The following ADIPOR2 variants were observed in gnomAD, a reference collection of about 807,000 sequenced individuals.
ADIPOR2 encodes the protein adiponectin receptor protein 2.
Under a neutral mutation model 40.9 loss-of-function variants are expected in ADIPOR2, and 18 were observed. The ratio of observed to expected loss-of-function variants is 0.44; its 90% CI spans 0.30 to 0.65. The LOEUF is 0.65. Ranked by LOEUF, ADIPOR2 falls within the 30% of genes least tolerant of loss-of-function variation. ADIPOR2 has a pLI of 0.09. For synonymous variants in ADIPOR2, 165 were observed against 166.4 expected (o/e 0.99, Z 0.06); for missense variants, 283 against 479.2 (o/e 0.59, Z 3.82).
At chr12:1,692,901 TC>T (rs1257304084) in intron 1 of ADIPOR2, among the ~76,000 whole-genome samples, 1 of 152,158 alleles carries the variant, frequency 6.6e-6, no homozygotes, top group Non-Finnish European at 1.5e-5. Context: ...ACGCTGGTAA[TC>T]CCAGCACTTT....
chr12:1,761,385 G>T (rs1862267077), intron 2 of ADIPOR2, among the ~76,000 whole-genome samples: 1 of 152,134 alleles, frequency 6.6e-6, no homozygotes, highest in Non-Finnish European at 1.5e-5. Flanking sequence ...ACTCAGGAGG[G>T]ATTTTTCTGG....
intron 2 of ADIPOR2, among the ~76,000 whole-genome samples, chr12:1,756,246 G>GT (rs1166293397): frequency 5.3e-5 from 8 of 152,042 alleles, no homozygotes; most frequent in African/African-American, 1.9e-4. Context: ...CGCCTCCCAG[G>GT]TTCAAGTGAT....
intron 1 of ADIPOR2, among the ~76,000 whole-genome samples, chr12:1,717,119 T>C (rs2094689099): frequency 6.6e-6 from 1 of 152,220 alleles, no homozygotes; most frequent in Non-Finnish European, 1.5e-5. Flanking sequence ...TTGTTGATCA[T>C]CTGCCTAGCC....
chr12:1,780,633 T>C lies in ADIPOR2; in HGVS notation c.646T>C (p.Ser216Pro). The change falls in exon 5 of 8, where the codon TCT becomes CCT. Residue 216 changes from serine to proline, a missense_variant. Physicochemically the swap from Ser to Pro is moderately conservative, Grantham distance 74. Coordinates refer to ENST00000357103, the MANE Select transcript of ADIPOR2 (RefSeq NM_024551.3). ...CTCAGAGGGGGTCTCTCGGCTCTTC[T>C]CTAAGTAAGTATCTGTAAAGTCCGT... ...CHSEGVSRLF[S>P]KLDYSGIALL... 6.3e-7 allele frequency: 1 copy of C among 1,587,404 alleles called. No homozygotes were observed. Among genetic ancestry groups the C allele is most frequent in the Non-Finnish European group, 8.5e-7 (1 of 1,171,152 alleles).
chr12:1,716,291 A>G (rs1348247986), intron 1 of ADIPOR2, among the ~76,000 whole-genome samples: 2 of 152,212 alleles, frequency 1.3e-5, no homozygotes, highest in African/African-American at 4.8e-5. Flanking sequence ...GATGAAATTG[A>G]AGATGGTTTA....
chr12:1,758,914 C>T (rs151053224), intron 2 of ADIPOR2, among the ~76,000 whole-genome samples: 73 of 152,224 alleles, frequency 4.8e-4, no homozygotes, highest in African/African-American at 1.5e-3. Flanking sequence ...TGAAAGTAGA[C>T]GAAAATAGGA....
chr12:1,742,048 A>G (rs34375871), intron 1 of ADIPOR2, among the ~76,000 whole-genome samples: 41,346 of 151,216 alleles, frequency 0.27, 6,267 homozygotes, highest in Admixed American at 0.44. Context: ...TGAACTCCCA[A>G]TGAGGAGTCA....
At chr12:1,710,529 C>T (rs1370004776) in intron 1 of ADIPOR2, among the ~76,000 whole-genome samples, 1 of 152,050 alleles carries the variant, frequency 6.6e-6, no homozygotes, top group Non-Finnish European at 1.5e-5. Flanking sequence ...ACCTGTCGGC[C>T]AGTTAAAAGC....
intron 1 of ADIPOR2, among the ~76,000 whole-genome samples, chr12:1,740,745 T>A (rs2094741050): frequency 6.6e-6 from 1 of 152,198 alleles, no homozygotes; most frequent in Non-Finnish European, 1.5e-5. Flanking sequence ...ATGTGACAGA[T>A]CCTGTTTTAG....
chr12:1,691,086 C>A lies in ADIPOR2; in HGVS notation c.-192C>A. The stretch of plus-strand genomic sequence containing the variant: ...CGCGATTCCAGAAGCGGCATCGCGG[C>A]GGCGGCAGCGGCGGCGGCTACACCG... On this transcript the variant is annotated 5_prime_UTR_variant, in exon 1 of 8. Coordinates refer to ENST00000357103, the MANE Select transcript of ADIPOR2 (RefSeq NM_024551.3). The A allele has an allele frequency of 6.0e-6, 1 of 165,800 alleles. No homozygotes were observed. The highest frequency in any genetic ancestry group is 1.3e-5 in the Non-Finnish European group (1 of 77,262). 10.3% of individuals were successfully genotyped at this position (165,800 alleles called of 1,614,324 possible).
At chr12:1,735,956 T>C (rs1192532276) in intron 1 of ADIPOR2, among the ~76,000 whole-genome samples, 1 of 152,210 alleles carries the variant, frequency 6.6e-6, no homozygotes. Context: ...CACTTGATCA[T>C]GGTGGATAAG....
At chr12:1,712,212 G>C (rs1016905660) in intron 1 of ADIPOR2, among the ~76,000 whole-genome samples, 1 of 152,070 alleles carries the variant, frequency 6.6e-6, no homozygotes, top group Non-Finnish European at 1.5e-5. Context: ...ACTATAATTT[G>C]TTGGCAGTCA....
In ADIPOR2 at chr12:1,766,533, A is replaced by G. The variant is rs921160657; in HGVS notation, c.172-6309A>G. On this transcript the variant is annotated intron_variant, in intron 2 of 7. Coordinates refer to ENST00000357103, the MANE Select transcript of ADIPOR2 (RefSeq NM_024551.3). ...GTAATGTTGTGTACTGGTTGAAATG[A>G]TTAGACCATTGCCCCTAGGCCTCTG... Among the ~76,000 whole-genome samples the G allele has an allele frequency of 2.6e-5, 4 of 152,356 alleles. No homozygotes were observed. The East Asian group carries it at 7.7e-4, about 29-fold the overall frequency.
intron 1 of ADIPOR2, among the ~76,000 whole-genome samples, chr12:1,746,104 G>A (rs1264970793): frequency 1.3e-5 from 2 of 152,114 alleles, no homozygotes; most frequent in African/African-American, 4.8e-5. Context: ...TTAGGTCTAA[G>A]GACATGTATA....
At chr12:1,728,453 T>C (rs2154442426) in intron 1 of ADIPOR2, among the ~76,000 whole-genome samples, 1 of 151,072 alleles carries the variant, frequency 6.6e-6, no homozygotes, top group African/African-American at 2.4e-5. Flanking sequence ...CTGGGCGCAG[T>C]GGCTCACGCC....
At chr12:1,699,835 G>A (rs1266361931) in intron 1 of ADIPOR2, among the ~76,000 whole-genome samples, 2 of 152,166 alleles carry the variant, frequency 1.3e-5, no homozygotes, top group East Asian at 1.9e-4. Context: ...TATTAAAAAG[G>A]GGATTTGTTT....
intron 1 of ADIPOR2, among the ~76,000 whole-genome samples, chr12:1,727,587 C>T (rs1016526598): frequency 6.6e-6 from 1 of 152,108 alleles, no homozygotes. Context: ...TCCCTGGCAC[C>T]CACAGCCCCT....
At position 1,788,320 on chromosome 12, in the gene ADIPOR2, A is replaced by G. The variant is rs1011041275; in HGVS notation, c.*2248A>G. ...TGTGTCTACGTGCAGCTCACTACCA[A>G]CAGCCTCATGTGCACTTGACCTGAC... On this transcript the variant is annotated 3_prime_UTR_variant, in exon 8 of 8. Coordinates refer to ENST00000357103, the MANE Select transcript of ADIPOR2 (RefSeq NM_024551.3). 1 of 152,674 alleles carries G rather than the reference A, an allele frequency of 6.5e-6. No homozygotes were observed. The highest frequency in any genetic ancestry group is 1.5e-5 in the Non-Finnish European group (1 of 68,058). The allele number at this position is 152,674 out of a possible 1,614,324, so 9.5% of individuals were successfully genotyped here.
chr12:1,765,079 A>T (rs1428977323), intron 2 of ADIPOR2, among the ~76,000 whole-genome samples: 3 of 152,176 alleles, frequency 2.0e-5, no homozygotes, highest in South Asian at 4.1e-4. Context: ...CGTTAGGAAG[A>T]TGATCCCATT....
Sources: gnomAD v4.1 joint callset for allele counts (sites outside exome capture counted in the v4.1 genomes callset) on GRCh38, gnomAD v4.1.1 for gene constraint, MANE v1.5 for transcripts, NCBI Gene and HGNC (gene_info 2026-07-23, HGNC 2026-07-21) for gene names.